Variants in SYNE2 observed in about 807,000 individuals in gnomAD.
SYNE2 encodes spectrin repeat containing nuclear envelope protein 2, also known as nesprin-2.
In SYNE2, 431 loss-of-function variants were observed where a neutral mutation model predicts 856.3. The ratio of observed to expected loss-of-function variants is 0.50; its 90% CI spans 0.47 to 0.55. The LOEUF is 0.55. Among genes scored for constraint, SYNE2 ranks in the 20% least tolerant of loss-of-function variants. The pLI is 0.00. For missense variants in SYNE2, 8,129 were observed against 8,023.2 expected (o/e 1.01, Z -0.50); for synonymous variants, 2,923 against 2,872.3 (o/e 1.02, Z -0.56).
At chr14:63,972,203 A>G (rs1304060587) in intron 11 of SYNE2, among the ~76,000 whole-genome samples, 2 of 152,188 alleles carry the variant, frequency 1.3e-5, no homozygotes, top group Non-Finnish European at 2.9e-5. Flanking sequence ...CTTGTGAAGG[A>G]TAAGACCTGT....
intron 16 of SYNE2, among the ~76,000 whole-genome samples, chr14:63,982,035 T>C (rs1267016847): frequency 6.6e-6 from 1 of 152,158 alleles, no homozygotes; most frequent in East Asian, 1.9e-4. Flanking sequence ...CCAAAACTGC[T>C]AAGAAACCCT....
intron 1 of SYNE2, among the ~76,000 whole-genome samples, chr14:63,832,799 C>T (rs1444603716): frequency 7.5e-6 from 1 of 133,174 alleles, no homozygotes; most frequent in East Asian, 2.3e-4. Context: ...GAGGCAGAGG[C>T]GGGAGGTTAG....
chr14:64,155,955 C>T (rs78580793), intron 85 of SYNE2, among the ~76,000 whole-genome samples: 2 of 152,102 alleles, frequency 1.3e-5, no homozygotes, highest in Non-Finnish European at 1.5e-5. Context: ...TCTGTATCTT[C>T]GGTCAGGTTA....
intron 68 of SYNE2, 148 bp from the exon 69 acceptor site, chr14:64,121,864 T>G: frequency 9.2e-7 from 1 of 1,091,180 alleles, no homozygotes; most frequent in Non-Finnish European, 1.3e-6. Flanking sequence ...GAAGTGAGAG[T>G]TTACAAGAAC....
intron 99 of SYNE2, among the ~76,000 whole-genome samples, chr14:64,197,889 A>G (rs755919963): frequency 2.9e-4 from 44 of 152,264 alleles, no homozygotes; most frequent in Non-Finnish European, 5.4e-4. Flanking sequence ...ATTTGCCTTG[A>G]TTGTTTTCTG....
At chr14:64,040,494 A>C (rs2097139810) in intron 45 of SYNE2, among the ~76,000 whole-genome samples, 3 of 151,668 alleles carry the variant, frequency 2.0e-5, no homozygotes, top group African/African-American at 7.3e-5. Context: ...AGCAAATTTG[A>C]CATAGTCTGA....
chr14:63,788,720 G>A (rs1013644674), intron 1 of SYNE2, among the ~76,000 whole-genome samples: 1 of 152,218 alleles, frequency 6.6e-6, no homozygotes, highest in African/African-American at 2.4e-5. Context: ...CCTCCCCACT[G>A]CCTGGCTTAT....
chr14:64,092,070 C>G (rs991593419), intron 60 of SYNE2, among the ~76,000 whole-genome samples: 1 of 152,000 alleles, frequency 6.6e-6, no homozygotes, highest in Admixed American at 6.6e-5. Flanking sequence ...GAAAAAAGAT[C>G]TAGCACTCAA....
chr14:64,014,234 A>G (rs1300277162), intron 32 of SYNE2, among the ~76,000 whole-genome samples: 1 of 152,212 alleles, frequency 6.6e-6, no homozygotes, highest in African/African-American at 2.4e-5. Flanking sequence ...GCAGTATTCC[A>G]TGGTATAAAT....
intron 1 of SYNE2, among the ~76,000 whole-genome samples, chr14:63,863,015 C>G (rs1242220273): frequency 6.6e-6 from 1 of 152,070 alleles, no homozygotes; most frequent in Non-Finnish European, 1.5e-5. Context: ...CCAGGCTGAT[C>G]TCAAACTCTT....
chr14:63,786,041 A>G (rs1483914666), intron 1 of SYNE2, among the ~76,000 whole-genome samples: 1 of 152,200 alleles, frequency 6.6e-6, no homozygotes, highest in Non-Finnish European at 1.5e-5. Flanking sequence ...ATCTGAGGTC[A>G]GGAGTTCAAG....
intron 85 of SYNE2, among the ~76,000 whole-genome samples, chr14:64,157,989 T>G (rs537250250): frequency 6.6e-6 from 1 of 152,238 alleles, no homozygotes; most frequent in Non-Finnish European, 1.5e-5. Flanking sequence ...TGAGATCATT[T>G]TGGATATGCA....
In SYNE2 at chr14:64,210,004, G is replaced by A. The variant is rs141051652; in HGVS notation, c.18603G>A (p.Arg6201=). The stretch of plus-strand genomic sequence containing the variant: ...TGGAGCTCATCAACAAGCAGTACCG[G>A]CGGCTGGCCCGGGAGAACCGCACAG... The part of the protein sequence containing the change: ...TQLELINKQY[R]RLARENRTDT... The change falls in exon 103 of 116, where the codon CGG becomes CGA. Residue 6201 remains arginine (R), a synonymous_variant. Transcript: ENST00000555002. The A allele has an allele frequency of 3.8e-5, 62 of 1,614,060 alleles. No homozygotes were observed. In the African/African-American group the frequency reaches 7.1e-4, roughly 18 times the overall value.
At chr14:63,951,627 A>G (rs1209870033) in intron 7 of SYNE2, among the ~76,000 whole-genome samples, 2 of 152,102 alleles carry the variant, frequency 1.3e-5, no homozygotes, top group Non-Finnish European at 2.9e-5. Flanking sequence ...TTTAATTGTC[A>G]TTCGTTCTCT....
At chr14:63,851,975 CGGG>C (rs113075796), upstream of SYNE2, among the ~76,000 whole-genome samples, 173 of 23,582 alleles carry the variant, frequency 7.3e-3, 4 homozygotes, top group African/African-American at 0.033. Context: ...AGCTACTAAG[CGGG>C]GGGGGGGGGG....
At chr14:63,959,999 A>G (rs1002484126) in intron 8 of SYNE2, among the ~76,000 whole-genome samples, 1 of 152,232 alleles carries the variant, frequency 6.6e-6, no homozygotes. Flanking sequence ...CATCATGATT[A>G]TTTATGCAAA....
At chr14:63,958,024 A>C (rs1160098488) in intron 8 of SYNE2, among the ~76,000 whole-genome samples, 1 of 152,142 alleles carries the variant, frequency 6.6e-6, no homozygotes, top group Non-Finnish European at 1.5e-5. Context: ...CCTTGGCAAC[A>C]GAGTGAGACT....
chr14:64,115,055 C>T (rs1006556955), intron 66 of SYNE2, among the ~76,000 whole-genome samples: 15 of 152,168 alleles, frequency 9.9e-5, no homozygotes, highest in Admixed American at 6.5e-4. Context: ...AAACTCAACT[C>T]GAGGCAGTCC....
At chr14:63,770,325 C>T (rs1306837305) in intron 1 of SYNE2, among the ~76,000 whole-genome samples, 2 of 152,090 alleles carry the variant, frequency 1.3e-5, no homozygotes, top group African/African-American at 2.4e-5. Flanking sequence ...AAGCTAAACT[C>T]CCCTATCCTG....
Sources: allele counts gnomAD v4.1 joint callset (sites outside exome capture counted in the v4.1 genomes callset), GRCh38; gene constraint gnomAD v4.1.1; transcripts MANE v1.5; gene names NCBI Gene and HGNC (gene_info 2026-07-23, HGNC 2026-07-21).